The following RHOBTB1 variants were observed in gnomAD, a reference collection of about 807,000 sequenced individuals.
RHOBTB1 encodes the protein rho-related BTB domain-containing protein 1.
Under a neutral mutation model 71.6 loss-of-function variants are expected in RHOBTB1, and 40 were observed. The observed-to-expected ratio is 0.56, with a 90% CI of 0.43 to 0.73. The LOEUF (loss-of-function observed/expected upper bound fraction) is 0.73, where lower values mean the gene tolerates loss of function less well. Ranked by LOEUF, RHOBTB1 falls within the 30% of genes least tolerant of loss-of-function variation. The probability of loss-of-function intolerance (pLI) is 0.00; values close to 1 mark genes in which losing one functional copy is unlikely to be tolerated. For synonymous variants in RHOBTB1, 319 were observed against 334.9 expected, an observed-to-expected ratio of 0.95 and a Z score of 0.52; for missense variants, 797 against 894.0, an observed-to-expected ratio of 0.89 and a Z score of 1.38.
intron 2 of RHOBTB1, among the ~76,000 whole-genome samples, chr10:60,970,593 A>G (rs943958755): frequency 6.6e-6 from 1 of 152,154 alleles, no homozygotes; most frequent in Admixed American, 6.6e-5. Context: ...ATGAAACTTT[A>G]GAATCATTTT....
chr10:60,962,340 A>G, intron 2 of RHOBTB1, among the ~76,000 whole-genome samples: 1 of 152,188 alleles, frequency 6.6e-6, no homozygotes, highest in Non-Finnish European at 1.5e-5. Context: ...TAGATAATAT[A>G]TCAAAATATG....
intron 10 of RHOBTB1, 25 bp downstream of exon 10, chr10:60,872,160 G>C (rs756049087): frequency 2.0e-6 from 3 of 1,504,826 alleles, no homozygotes; most frequent in Admixed American, 1.7e-5. Context: ...AGAGCTGGAT[G>C]AATGGGGGCC....
chr10:60,984,402 G>A lies in RHOBTB1; in HGVS notation c.-62+1443C>T, dbSNP rs549593070. Among the ~76,000 whole-genome samples, 3 of 152,266 alleles carry A rather than the reference G, an allele frequency of 2.0e-5. No homozygotes were observed. The South Asian group carries it at 6.2e-4, about 32-fold the overall frequency. ...AGTGTTTTATGCATATGACTATTCT[G>A]AATGTTCCTTTAAAAATGAAAGACT... On this transcript the variant is annotated intron_variant, in intron 2 of 11. Coordinates refer to the RHOBTB1 transcript ENST00000357917.
chr10:60,931,845 C>G (rs2084275340), intron 2 of RHOBTB1, among the ~76,000 whole-genome samples: 1 of 152,076 alleles, frequency 6.6e-6, no homozygotes, highest in African/African-American at 2.4e-5. Flanking sequence ...AAAAAGACAG[C>G]TGTGGATATT....
intron 2 of RHOBTB1, among the ~76,000 whole-genome samples, chr10:60,951,707 C>T (rs189340213): frequency 6.6e-6 from 1 of 152,280 alleles, no homozygotes; most frequent in Non-Finnish European, 1.5e-5. Context: ...TTCTCCATCC[C>T]CATGGTGCTT....
chr10:60,907,499 T>C (rs2082737119), intron 4 of RHOBTB1, among the ~76,000 whole-genome samples: 1 of 152,102 alleles, frequency 6.6e-6, no homozygotes, highest in Non-Finnish European at 1.5e-5. Context: ...AAAGTGGATA[T>C]AAAGTAGGTG....
chr10:60,958,087 A>G (rs2085656302), intron 2 of RHOBTB1, among the ~76,000 whole-genome samples: 1 of 152,176 alleles, frequency 6.6e-6, no homozygotes, highest in South Asian at 2.1e-4. Context: ...ACATGTGGTG[A>G]AAAGACTCAG....
chr10:60,893,106 A>G, intron 4 of RHOBTB1, 111 bp from the exon 5 acceptor site: 1 of 124,788 alleles, frequency 8.0e-6, no homozygotes, highest in East Asian at 5.8e-4. Context: ...TGTCACAATT[A>G]AAAAAAAAAA....
intron 2 of RHOBTB1, chr10:60,912,977 G>T (rs1350972704): frequency 3.3e-5 from 5 of 152,220 alleles, no homozygotes; most frequent in Non-Finnish European, 5.9e-5. Context: ...CATTTTTAAG[G>T]AGTCAGTAAT....
At chr10:60,911,270 C>T (rs1278046182) in intron 3 of RHOBTB1, 81 bp downstream of exon 3, 21 of 1,345,210 alleles carry the variant, frequency 1.6e-5, no homozygotes, top group Middle Eastern at 2.2e-4. Flanking sequence ...AATTTATCCA[C>T]GCTCCTCCTT....
Position 60,965,847 on chromosome 10 carries a change from A to G in RHOBTB1, c.-62+19998T>C, listed in dbSNP as rs548890351. Among the ~76,000 whole-genome samples, 6 of 152,234 alleles carry G rather than the reference A, an allele frequency of 3.9e-5. No individual in the cohort carries two copies. In the East Asian group the frequency reaches 1.2e-3, roughly 29 times the overall value. ...CTAACCTCAGGACATCTGATAGGAC[A>G]TTGTCTTGCCTTGTTGGCAATTTCA... On this transcript the variant is annotated intron_variant, in intron 2 of 11. Transcript: ENST00000357917.
At chr10:60,908,641 A>C (rs999545169) in intron 4 of RHOBTB1, among the ~76,000 whole-genome samples, 1 of 152,102 alleles carries the variant, frequency 6.6e-6, no homozygotes, top group Admixed American at 6.6e-5. Flanking sequence ...TGAATTAAAA[A>C]ACTCCTACTT....
chr10:60,956,629 AGT>A (rs2085603535), intron 2 of RHOBTB1, among the ~76,000 whole-genome samples: 1 of 151,968 alleles, frequency 6.6e-6, no homozygotes, highest in Admixed American at 6.6e-5. Context: ...TATTTTTAAA[AGT>A]GTTTTATTTT....
intron 7 of RHOBTB1, among the ~76,000 whole-genome samples, chr10:60,878,419 T>A (rs1564759489): frequency 6.6e-6 from 1 of 152,198 alleles, no homozygotes; most frequent in Non-Finnish European, 1.5e-5. Flanking sequence ...ATGACAGGTG[T>A]TGGGCGGAGC....
intron 4 of RHOBTB1, among the ~76,000 whole-genome samples, chr10:60,904,293 C>T (rs371889972): frequency 6.6e-6 from 1 of 152,130 alleles, no homozygotes; most frequent in East Asian, 1.9e-4. Flanking sequence ...TGGAAATATA[C>T]CAAATTTGCA....
intron 2 of RHOBTB1, among the ~76,000 whole-genome samples, chr10:60,920,192 C>T (rs1057004267): frequency 6.6e-6 from 1 of 152,186 alleles, no homozygotes; most frequent in Non-Finnish European, 1.5e-5. Context: ...ATGCTAAGCA[C>T]TGAATGAGTG....
Position 60,892,799 on chromosome 10 carries a change from C to T in RHOBTB1, c.482+11G>A. ...GGTCAGGACAGGGAAACACTGAGTC[C>T]CTTGGCTTACCTTGCTAACGGGCGC... On this transcript the variant is annotated intron_variant, in intron 5 of 10. Coordinates refer to ENST00000337910, the MANE Select transcript of RHOBTB1 (RefSeq NM_014836.5). 6.2e-7 allele frequency: 1 copy of T among 1,608,630 alleles called. No homozygotes were observed. Among genetic ancestry groups the T allele is most frequent in the Non-Finnish European group, 8.5e-7 (1 of 1,177,448 alleles).
chr10:60,995,270 A>AC (rs2087009908), intron 1 of RHOBTB1, among the ~76,000 whole-genome samples: 1 of 152,116 alleles, frequency 6.6e-6, no homozygotes, highest in African/African-American at 2.4e-5. Flanking sequence ...CAGTGCACAT[A>AC]CCTTTGAGGA....
intron 1 of RHOBTB1, among the ~76,000 whole-genome samples, chr10:60,989,615 A>G (rs2086788155): frequency 6.6e-6 from 1 of 152,180 alleles, no homozygotes; most frequent in Admixed American, 6.5e-5. Context: ...GTTCAGTCTA[A>G]CCTCTGCCTT....
Sources: allele counts gnomAD v4.1 joint callset (sites outside exome capture counted in the v4.1 genomes callset), GRCh38; gene constraint gnomAD v4.1.1; transcripts MANE v1.5; gene names NCBI Gene and HGNC (gene_info 2026-07-23, HGNC 2026-07-21).